The following JMJD1C variants were observed in gnomAD, a reference collection of about 807,000 sequenced individuals.
JMJD1C encodes the protein jumonji domain containing 1C.
A neutral mutation model predicts 245.3 loss-of-function variants in JMJD1C; 31 were observed. The ratio of observed to expected loss-of-function variants is 0.13; its 90% CI spans 0.09 to 0.17. JMJD1C has a LOEUF of 0.17. Ranked by LOEUF, JMJD1C falls within the 10% of genes least tolerant of loss-of-function variation. The pLI, the probability that JMJD1C is intolerant of heterozygous loss-of-function variation, is 1.00. For missense variants in JMJD1C, 2,691 were observed against 3,000.2 expected, an observed-to-expected ratio of 0.90 and a Z score of 2.41; for synonymous variants, 1,057 against 1,017.4, an observed-to-expected ratio of 1.04 and a Z score of -0.74.
chr10:63,277,103 G>A (rs184649672), intron 2 of JMJD1C, among the ~76,000 whole-genome samples: 79 of 151,634 alleles, frequency 5.2e-4, no homozygotes, highest in African/African-American at 1.8e-3. Flanking sequence ...GGATGGTCTC[G>A]ATCTCCTGAC....
chr10:63,177,993 T>G (rs761138632), intron 22 of JMJD1C, 137 bp from the exon 23 acceptor site: 2 of 797,892 alleles, frequency 2.5e-6, no homozygotes, highest in Non-Finnish European at 3.9e-6. Context: ...CAGGCTGGAG[T>G]GCAGTGGCAT....
chr10:63,377,567 T>A (rs1193748737), intron 2 of JMJD1C, among the ~76,000 whole-genome samples: 1 of 152,052 alleles, frequency 6.6e-6, no homozygotes, highest in Non-Finnish European at 1.5e-5. Flanking sequence ...AAACCCTGTC[T>A]CTACTAAAAA....
chr10:63,417,705 A>G (rs1340031941), intron 1 of JMJD1C, among the ~76,000 whole-genome samples: 1 of 152,214 alleles, frequency 6.6e-6, no homozygotes, highest in Non-Finnish European at 1.5e-5. Flanking sequence ...AAGTTCCATC[A>G]TATTGTATAT....
intron 2 of JMJD1C, among the ~76,000 whole-genome samples, chr10:63,298,891 C>T (rs1859753606): frequency 6.6e-6 from 1 of 152,052 alleles, no homozygotes. Flanking sequence ...CACCACCACG[C>T]CTGGCTTTTT....
chr10:63,428,558 T>C (rs10761763), intron 1 of JMJD1C, among the ~76,000 whole-genome samples: 63,946 of 151,992 alleles, frequency 0.42, 14,189 homozygotes, highest in South Asian at 0.53. Flanking sequence ...TTGGAATAGA[T>C]GAGAAACTTT....
At chr10:63,380,559 T>G in intron 1 of JMJD1C, 77 bp from the exon 2 acceptor site, 1 of 1,102,518 alleles carries the variant, frequency 9.1e-7, no homozygotes, top group Non-Finnish European at 1.3e-6. Flanking sequence ...GCATAATAAT[T>G]GTACATATTT....
At chr10:63,234,550 A>G (rs1031480698) in intron 3 of JMJD1C, among the ~76,000 whole-genome samples, 1 of 148,008 alleles carries the variant, frequency 6.8e-6, no homozygotes, top group Non-Finnish European at 1.5e-5. Context: ...TCCCTATCCT[A>G]TAAAAAAAAA....
intron 2 of JMJD1C, among the ~76,000 whole-genome samples, chr10:63,312,516 A>G (rs573579441): frequency 4.7e-4 from 72 of 152,312 alleles, no homozygotes; most frequent in South Asian, 8.3e-4. Context: ...AACCTAAAAA[A>G]TTACTTTTCC....
chr10:63,189,887 T>C (rs1292269054), intron 17 of JMJD1C, among the ~76,000 whole-genome samples: 1 of 150,812 alleles, frequency 6.6e-6, no homozygotes, highest in East Asian at 1.9e-4. Flanking sequence ...CATATATATA[T>C]ACACATTTTT....
chr10:63,468,253 A>G (rs933289880), upstream of JMJD1C, among the ~76,000 whole-genome samples: 1 of 152,226 alleles, frequency 6.6e-6, no homozygotes, highest in Non-Finnish European at 1.5e-5. Context: ...CCTTGACTAC[A>G]GCCAATGCCT....
chr10:63,415,572 TA>T (rs1370532808), intron 1 of JMJD1C, among the ~76,000 whole-genome samples: 3 of 152,168 alleles, frequency 2.0e-5, no homozygotes, highest in Non-Finnish European at 2.9e-5. Context: ...ACATGACCTT[TA>T]AAAAAATCTT....
chr10:63,402,589 C>T (rs1425434785), intron 1 of JMJD1C, among the ~76,000 whole-genome samples: 1 of 152,166 alleles, frequency 6.6e-6, no homozygotes, highest in African/African-American at 2.4e-5. Context: ...CATTTCTGCA[C>T]TTTAATTCCC....
chr10:63,204,710 C>A, intron 10 of JMJD1C: 2 of 985,398 alleles, frequency 2.0e-6, no homozygotes, highest in Non-Finnish European at 2.4e-6. Flanking sequence ...GTTAATCCCC[C>A]TCTCTGTCTT....
chr10:63,348,396 G>A (rs10761747), intron 2 of JMJD1C, among the ~76,000 whole-genome samples: 1 of 151,860 alleles, frequency 6.6e-6, no homozygotes, highest in African/African-American at 2.4e-5. Context: ...TTTACACCAT[G>A]ACTAACAAGA....
chr10:63,233,852 C>T (rs1192803296), intron 3 of JMJD1C, among the ~76,000 whole-genome samples: 1 of 151,646 alleles, frequency 6.6e-6, no homozygotes, highest in African/African-American at 2.4e-5. Flanking sequence ...ATCTACTTTG[C>T]TATGCTTTTA....
chr10:63,246,866 CTT>C (rs1852276070), intron 3 of JMJD1C, among the ~76,000 whole-genome samples: 1 of 151,626 alleles, frequency 6.6e-6, no homozygotes, highest in Non-Finnish European at 1.5e-5. Context: ...AATAAAGAAA[CTT>C]AATTAAATTT....
At chr10:63,261,090 T>C (rs369004807) in intron 3 of JMJD1C, among the ~76,000 whole-genome samples, 1 of 152,072 alleles carries the variant, frequency 6.6e-6, no homozygotes, top group Non-Finnish European at 1.5e-5. Context: ...AGAAACTTAT[T>C]TGTGTGCACA....
chr10:63,313,736 G>A (rs914152399), intron 2 of JMJD1C, among the ~76,000 whole-genome samples: 4 of 152,122 alleles, frequency 2.6e-5, no homozygotes, highest in Non-Finnish European at 5.9e-5. Flanking sequence ...TGCCACTTGT[G>A]CATATTCTTT....
chr10:63,299,361 T>TA, intron 2 of JMJD1C, among the ~76,000 whole-genome samples: 1 of 150,974 alleles, frequency 6.6e-6, no homozygotes, highest in Middle Eastern at 3.4e-3. Flanking sequence ...TTTTCCATTT[T>TA]TTTTTTTTTT....
Sources: gnomAD v4.1 joint callset for allele counts (sites outside exome capture counted in the v4.1 genomes callset) on GRCh38, gnomAD v4.1.1 for gene constraint, MANE v1.5 for transcripts, NCBI Gene and HGNC (gene_info 2026-07-23, HGNC 2026-07-21) for gene names.